GABRG3: variants seen among roughly 807,000 people sequenced by gnomAD.
The protein encoded by GABRG3 is gamma-aminobutyric acid receptor subunit gamma-3.
A neutral mutation model predicts 48.8 loss-of-function variants in GABRG3; 25 were observed. That is an observed-to-expected ratio of 0.51 (90% CI 0.37 to 0.72). GABRG3 has a LOEUF of 0.72. GABRG3 is among the 30% of genes least tolerant of loss of function. The pLI is 0.00. For missense variants in GABRG3, 394 were observed against 577.9 expected, an observed-to-expected ratio of 0.68 and a Z score of 3.26; for synonymous variants, 227 against 217.6, an observed-to-expected ratio of 1.04 and a Z score of -0.38.
At chr15:27,316,044 T>C (rs575705851) in intron 3 of GABRG3, among the ~76,000 whole-genome samples, 2 of 152,308 alleles carry the variant, frequency 1.3e-5, no homozygotes, top group African/African-American at 4.8e-5. Flanking sequence ...AAATTTCATT[T>C]CCTTATTCTG....
chr15:27,313,260 G>GTATATATATATATATA (rs1391208486), intron 3 of GABRG3, among the ~76,000 whole-genome samples: 2 of 49,556 alleles, frequency 4.0e-5, no homozygotes, highest in African/African-American at 1.8e-4. Context: ...GTGTGTGTGT[G>GTATATATATATATATA]TGTATATATA....
chr15:27,321,461 A>G (rs1183164160), intron 3 of GABRG3, among the ~76,000 whole-genome samples: 1 of 152,196 alleles, frequency 6.6e-6, no homozygotes, highest in Non-Finnish European at 1.5e-5. Flanking sequence ...ACCTGCAAGA[A>G]ACAAAAAAAC....
At chr15:27,176,638 G>C (rs979951667) in intron 3 of GABRG3, among the ~76,000 whole-genome samples, 1 of 152,208 alleles carries the variant, frequency 6.6e-6, no homozygotes, top group Non-Finnish European at 1.5e-5. Flanking sequence ...AGGCTGCCCA[G>C]AAGAGGTGAC....
chr15:27,484,123 A>T (rs1410400765), intron 6 of GABRG3, among the ~76,000 whole-genome samples: 1 of 152,056 alleles, frequency 6.6e-6, no homozygotes, highest in Non-Finnish European at 1.5e-5. Flanking sequence ...TTTAGTAGAG[A>T]CGCAGTTTCG....
chr15:27,250,132 C>A (rs1455635471), intron 3 of GABRG3, among the ~76,000 whole-genome samples: 1 of 152,102 alleles, frequency 6.6e-6, no homozygotes, highest in African/African-American at 2.4e-5. Context: ...GCTGGACTGG[C>A]CAGCCACGTG....
At chr15:27,210,800 A>G (rs1889054119) in intron 3 of GABRG3, among the ~76,000 whole-genome samples, 1 of 152,206 alleles carries the variant, frequency 6.6e-6, no homozygotes, top group African/African-American at 2.4e-5. Context: ...CACTGGGAGG[A>G]GCCAAGTGGG....
At chr15:27,259,887 A>G (rs1309594791) in intron 3 of GABRG3, among the ~76,000 whole-genome samples, 1 of 152,194 alleles carries the variant, frequency 6.6e-6, no homozygotes, top group East Asian at 1.9e-4. Context: ...TTGTACCACA[A>G]CACCTGTCTG....
intron 6 of GABRG3, among the ~76,000 whole-genome samples, chr15:27,507,372 TG>T (rs1890785273): frequency 6.6e-6 from 1 of 152,000 alleles, no homozygotes; most frequent in South Asian, 2.1e-4. Context: ...GGCGTGGTGG[TG>T]TGAGCCTGTA....
At chr15:27,178,812 C>T (rs538440747) in intron 3 of GABRG3, among the ~76,000 whole-genome samples, 1 of 152,260 alleles carries the variant, frequency 6.6e-6, no homozygotes, top group South Asian at 2.1e-4. Flanking sequence ...ATGAGGCAGG[C>T]CCCTCTCTAG....
chr15:27,153,537 A>G (rs2089616238), intron 3 of GABRG3, among the ~76,000 whole-genome samples: 1 of 152,170 alleles, frequency 6.6e-6, no homozygotes. Flanking sequence ...AATAATTTTT[A>G]TACAATTCGT....
At chr15:27,373,523 G>A (rs1895483302) in intron 5 of GABRG3, among the ~76,000 whole-genome samples, 1 of 152,152 alleles carries the variant, frequency 6.6e-6, no homozygotes, top group South Asian at 2.1e-4. Flanking sequence ...AAGTTAGCAA[G>A]TAACTTCACT....
Position 27,166,016 on chromosome 15 carries a change from G to A in GABRG3, c.270+139195G>A, listed in dbSNP as rs148304052. Among the ~76,000 whole-genome samples the A allele has an allele frequency of 3.2e-3, 486 of 152,246 alleles. 4 individuals carry two copies. Among genetic ancestry groups the A allele is most frequent in the African/African-American group, 0.011 (451 of 41,544 alleles). ...ACAGTGGGATGGGGTGGGATGCAGC[G>A]AACCAGCACAGTGAGCCTTCTGAGC... On this transcript the variant is annotated intron_variant, in intron 3 of 9. Transcript: ENST00000615808.
chr15:26,975,274 T>C lies in GABRG3; in HGVS notation c.54-1728T>C, dbSNP rs1894919270. Among the ~76,000 whole-genome samples the C allele has an allele frequency of 6.6e-6, 1 of 152,240 alleles. No homozygotes were observed. The highest frequency in any genetic ancestry group is 2.4e-5 in the African/African-American group (1 of 41,460). ...TAATGAAATGCAACATATTCCTTAC[T>C]GAATAGGTGCCCCACATTTAAAAAT... On this transcript the variant is annotated intron_variant, in intron 1 of 9. Transcript: ENST00000615808. This position sits in a 1 kb window ranked among gnomAD's most constrained non-coding sequence, Gnocchi z 4.6.
intron 3 of GABRG3, among the ~76,000 whole-genome samples, chr15:27,291,556 T>C (rs1891794590): frequency 6.6e-6 from 1 of 152,234 alleles, no homozygotes; most frequent in South Asian, 2.1e-4. Context: ...AACAGTAGTT[T>C]CTATTTAATT....
In GABRG3 at chr15:27,445,502, C is replaced by T. The variant is rs771027878; in HGVS notation, c.575-35148C>T. 6.3e-4 allele frequency among the ~76,000 whole-genome samples: 96 copies of T among 152,204 alleles called. 2 individuals carry two copies. The Middle Eastern group carries it at 0.017, about 27-fold the overall frequency. On this transcript the variant is annotated intron_variant, in intron 5 of 9. Transcript: ENST00000615808. ...TCTTCTTTGGAAAAATTATCTATTC[C>T]CATCTGCTGACCATTTTAAAATTGT...
Position 27,223,785 on chromosome 15 carries a change from G to A in GABRG3, c.271-103024G>A, listed in dbSNP as rs553959466. Among the ~76,000 whole-genome samples the A allele has an allele frequency of 3.3e-5, 5 of 152,308 alleles. No homozygotes were observed. In the South Asian group the frequency reaches 6.2e-4, roughly 19 times the overall value. ...TGGGCAACACTCAGGTGAACCCAGT[G>A]AGTGCTGCCCCTGACCCTCCTGACC... On this transcript the variant is annotated intron_variant, in intron 3 of 9. Coordinates refer to ENST00000615808, the MANE Select transcript of GABRG3 (RefSeq NM_033223.5).
intron 3 of GABRG3, among the ~76,000 whole-genome samples, chr15:27,286,065 C>A (rs1458234492): frequency 6.6e-6 from 1 of 152,176 alleles, no homozygotes; most frequent in Admixed American, 6.5e-5. Context: ...GATCACAGAA[C>A]ATGAAATTAA....
chr15:27,248,831 G>GAGAGAGAGAGAGAGAA (rs1555412455), intron 3 of GABRG3, among the ~76,000 whole-genome samples: 19 of 129,022 alleles, frequency 1.5e-4, no homozygotes, highest in African/African-American at 5.4e-4. Context: ...GAGAGAGAGA[G>GAGAGAGAGAGAGAGAA]AGAGACAGAG....
At chr15:27,360,582 A>T (rs987279326) in intron 5 of GABRG3, among the ~76,000 whole-genome samples, 1 of 152,254 alleles carries the variant, frequency 6.6e-6, no homozygotes, top group South Asian at 2.1e-4. Context: ...GCATTCCCCA[A>T]TCCGAGATGG....
Sources: gnomAD v4.1 joint callset for allele counts (sites outside exome capture counted in the v4.1 genomes callset) on GRCh38, gnomAD v4.1.1 for gene constraint, Gnocchi (gnomAD v3.1) non-coding constraint, MANE v1.5 for transcripts, NCBI Gene and HGNC (gene_info 2026-07-23, HGNC 2026-07-21) for gene names.